The following BICC1 variants were observed in gnomAD, a reference collection of about 807,000 sequenced individuals.
BICC1 encodes the protein BicC family RNA binding protein 1, also known as protein bicaudal C homolog 1.
A neutral mutation model predicts 111.0 loss-of-function variants in BICC1; 43 were observed. The observed-to-expected ratio is 0.39, with a 90% CI of 0.30 to 0.50. BICC1 has a LOEUF of 0.50. BICC1 is among the 20% of genes least tolerant of loss of function. The probability of loss-of-function intolerance (pLI) is 0.88; values close to 1 mark genes in which losing one functional copy is unlikely to be tolerated. For synonymous variants in BICC1, 467 were observed against 434.4 expected (o/e 1.07, Z -0.93); for missense variants, 1,091 against 1,203.2 (o/e 0.91, Z 1.38).
intron 2 of BICC1, among the ~76,000 whole-genome samples, chr10:58,679,461 A>C (rs181380098): frequency 2.5e-4 from 38 of 152,336 alleles, no homozygotes; most frequent in African/African-American, 8.7e-4. Context: ...TCCTGGACAC[A>C]TACACCCTCC....
At chr10:58,608,977 C>G (rs1421474912) in intron 1 of BICC1, among the ~76,000 whole-genome samples, 1 of 152,200 alleles carries the variant, frequency 6.6e-6, no homozygotes, top group Non-Finnish European at 1.5e-5. Flanking sequence ...AACAGACTGC[C>G]TGGTCATGGA....
At chr10:58,732,409 A>AC (rs1841341330) in intron 3 of BICC1, among the ~76,000 whole-genome samples, 2 of 85,380 alleles carry the variant, frequency 2.3e-5, no homozygotes, top group Admixed American at 1.2e-4. Flanking sequence ...ATATATATAT[A>AC]TATATATATA....
chr10:58,648,467 C>T (rs1240317165), intron 2 of BICC1: 1 of 965,618 alleles, frequency 1.0e-6, no homozygotes, highest in East Asian at 1.1e-4. Flanking sequence ...GTTATGTTCT[C>T]TGGCATGTAG....
chr10:58,745,642 G>C (rs1405818036), intron 3 of BICC1, among the ~76,000 whole-genome samples: 1 of 122,056 alleles, frequency 8.2e-6, no homozygotes, highest in Non-Finnish European at 1.6e-5. Context: ...CCATTCCTCT[G>C]TTTTCAAAGC....
intron 2 of BICC1, among the ~76,000 whole-genome samples, chr10:58,644,610 G>A (rs1043191387): frequency 2.0e-5 from 3 of 152,078 alleles, no homozygotes; most frequent in East Asian, 1.9e-4. Context: ...CTAGGGCCAC[G>A]TTAGAGTGAT....
intron 5 of BICC1, among the ~76,000 whole-genome samples, chr10:58,787,332 A>G (rs1193708160): frequency 6.6e-6 from 1 of 152,190 alleles, no homozygotes; most frequent in African/African-American, 2.4e-5. Flanking sequence ...TGTAATGGCC[A>G]CAAAACAAAA....
intron 1 of BICC1, among the ~76,000 whole-genome samples, chr10:58,560,686 T>C (rs1623568): frequency 0.43 from 65,971 of 151,904 alleles, 16,114 homozygotes; most frequent in Admixed American, 0.62. Context: ...TGTAGGTGTT[T>C]ATTGCTGTAA....
intron 1 of BICC1, among the ~76,000 whole-genome samples, chr10:58,581,656 C>G (rs1376288291): frequency 6.6e-6 from 1 of 152,100 alleles, no homozygotes; most frequent in African/African-American, 2.4e-5. Context: ...TGTCTGTGGT[C>G]AGATCCTGGA....
chr10:58,601,150 AT>A (rs1564506802), intron 1 of BICC1, among the ~76,000 whole-genome samples: 2 of 134,776 alleles, frequency 1.5e-5, no homozygotes, highest in African/African-American at 5.3e-5. Context: ...TTATATATAT[AT>A]ATATATATAT....
At chr10:58,619,240 A>G (rs868852034) in intron 1 of BICC1, among the ~76,000 whole-genome samples, 23 of 152,184 alleles carry the variant, frequency 1.5e-4, no homozygotes, top group African/African-American at 3.6e-4. Context: ...ATTAGAATAC[A>G]ATTTTTAAAT....
chr10:58,772,340 A>T (rs998056141), intron 3 of BICC1, among the ~76,000 whole-genome samples: 1 of 152,194 alleles, frequency 6.6e-6, no homozygotes, highest in Admixed American at 6.5e-5. Context: ...GGCTTCTCTC[A>T]CTTGCCTCTA....
chr10:58,781,895 A>G lies in BICC1; in HGVS notation c.308-3106A>G, dbSNP rs76240093. 2.6e-5 allele frequency among the ~76,000 whole-genome samples: 4 copies of G among 152,266 alleles called. No homozygotes were observed. In the East Asian group the frequency reaches 7.7e-4, roughly 29 times the overall value. The stretch of plus-strand genomic sequence containing the variant: ...GCTGCTAGCCACTTTAGCAATCTAA[A>G]CCAGAATTTTGTCATGTTTGTTTTT... On this transcript the variant is annotated intron_variant, in intron 3 of 20. Coordinates refer to ENST00000373886, the MANE Select transcript of BICC1 (RefSeq NM_001080512.3).
chr10:58,526,941 C>A (rs1842559190), intron 1 of BICC1, among the ~76,000 whole-genome samples: 1 of 152,050 alleles, frequency 6.6e-6, no homozygotes, highest in African/African-American at 2.4e-5. Context: ...GGGTATATAC[C>A]CAGTAATGGG....
At chr10:58,657,488 G>T (rs952034529) in intron 2 of BICC1, among the ~76,000 whole-genome samples, 5 of 152,142 alleles carry the variant, frequency 3.3e-5, no homozygotes, top group African/African-American at 9.7e-5. Flanking sequence ...GGCACCACCT[G>T]CAGGTACACT....
intron 2 of BICC1, among the ~76,000 whole-genome samples, chr10:58,682,427 C>T (rs1009917375): frequency 2.9e-4 from 44 of 152,110 alleles, no homozygotes; most frequent in African/African-American, 9.4e-4. Context: ...GTTCTAGATC[C>T]TTGAGGAATT....
rs145246723 is a variant in BICC1 at position 58,694,316 on chromosome 10, A to G, written c.238-7758A>G. Among the ~76,000 whole-genome samples the G allele has an allele frequency of 2.0e-5, 3 of 152,344 alleles. No individual in the cohort carries two copies. In the East Asian group the frequency reaches 5.8e-4, roughly 29 times the overall value. On this transcript the variant is annotated intron_variant, in intron 2 of 20. Transcript: ENST00000373886. Reference sequence around the variant, plus strand: ...TGACTACTTGCGTTGCCATCTGTGCAGAACTGATAACAGCCATGTCGTGAG... The same window carrying G: ...TGACTACTTGCGTTGCCATCTGTGCGGAACTGATAACAGCCATGTCGTGAG...
At chr10:58,683,278 T>G (rs1469753921) in intron 2 of BICC1, among the ~76,000 whole-genome samples, 1 of 152,240 alleles carries the variant, frequency 6.6e-6, no homozygotes, top group Non-Finnish European at 1.5e-5. Context: ...CTGTTTTGGT[T>G]ACCATAGCCT....
chr10:58,681,157 G>A (rs993897286), intron 2 of BICC1, among the ~76,000 whole-genome samples: 1 of 152,206 alleles, frequency 6.6e-6, no homozygotes, highest in African/African-American at 2.4e-5. Flanking sequence ...GGCAACAAAA[G>A]CCAAAATTGA....
chr10:58,814,635 A>G lies in BICC1; in HGVS notation c.2533+649A>G, dbSNP rs922269802. 4.0e-5 allele frequency among the ~76,000 whole-genome samples: 6 copies of G among 151,490 alleles called. 1 individual carries two copies. The South Asian group carries it at 1.3e-3, about 32-fold the overall frequency. On this transcript the variant is annotated intron_variant, in intron 18 of 20. Coordinates refer to ENST00000373886, the MANE Select transcript of BICC1 (RefSeq NM_001080512.3). ...ATCTCTACTAAAAAAAAAAAAAAAA[A>G]AAACAAGAGGCTGGGTGTGGTGGTA...
Sources: gnomAD v4.1 joint callset for allele counts (sites outside exome capture counted in the v4.1 genomes callset) on GRCh38, gnomAD v4.1.1 for gene constraint, MANE v1.5 for transcripts, NCBI Gene and HGNC (gene_info 2026-07-23, HGNC 2026-07-21) for gene names.